Variants in CBFB observed in about 807,000 individuals in gnomAD.
The protein encoded by CBFB is CBF-beta.
Under a neutral mutation model 30.4 loss-of-function variants are expected in CBFB, and 9 were observed. That is an observed-to-expected ratio of 0.30 (90% confidence interval 0.18 to 0.52). The LOEUF (loss-of-function observed/expected upper bound fraction) is 0.52, where lower values mean the gene tolerates loss of function less well. CBFB is among the 20% of genes least tolerant of loss of function. The pLI, the probability that CBFB is intolerant of heterozygous loss-of-function variation, is 0.97. For missense variants in CBFB, 170 were observed against 244.0 expected, an observed-to-expected ratio of 0.70 and a Z score of 2.02; for synonymous variants, 94 against 84.0, an observed-to-expected ratio of 1.12 and a Z score of -0.65.
intron 3 of CBFB, among the ~76,000 whole-genome samples, chr16:67,062,458 C>T (rs1455022278): frequency 1.3e-5 from 2 of 151,070 alleles, no homozygotes; most frequent in Non-Finnish European, 2.9e-5. Context: ...GTGTGAGCCA[C>T]CGTGCCCAGC....
chr16:67,083,271 T>C (rs899622923), intron 5 of CBFB, among the ~76,000 whole-genome samples: 2 of 152,084 alleles, frequency 1.3e-5, no homozygotes, highest in Non-Finnish European at 2.9e-5. Context: ...TTCTCATGAT[T>C]TCTGCTCAAA....
intron 3 of CBFB, among the ~76,000 whole-genome samples, chr16:67,046,817 C>A (rs1419852718): frequency 1.3e-5 from 2 of 152,108 alleles, no homozygotes; most frequent in East Asian, 1.9e-4. Context: ...CAATATTATT[C>A]TTTGATGCTT....
chr16:67,055,956 T>TA (rs1960711612), intron 3 of CBFB, among the ~76,000 whole-genome samples: 1 of 152,194 alleles, frequency 6.6e-6, no homozygotes, highest in Admixed American at 6.5e-5. Flanking sequence ...ACAGGGTACA[T>TA]ACTTCTTCAG....
chr16:67,082,937 A>G (rs1262645217), intron 5 of CBFB, among the ~76,000 whole-genome samples: 1 of 152,220 alleles, frequency 6.6e-6, no homozygotes, highest in East Asian at 1.9e-4. Context: ...AGCCCAATGA[A>G]TTACTGTAAG....
intron 2 of CBFB, among the ~76,000 whole-genome samples, chr16:67,035,086 T>C (rs1966419987): frequency 6.6e-6 from 1 of 151,972 alleles, no homozygotes; most frequent in African/African-American, 2.4e-5. Context: ...GTTTTTTTTG[T>C]TTTTTGTTTT....
intron 3 of CBFB, among the ~76,000 whole-genome samples, chr16:67,057,054 C>T (rs989601350): frequency 1.3e-5 from 2 of 151,562 alleles, no homozygotes; most frequent in Non-Finnish European, 1.5e-5. Context: ...GCAATCTTGG[C>T]TCACTGCAAC....
chr16:67,039,256 C>T (rs1966492089), intron 3 of CBFB, among the ~76,000 whole-genome samples: 1 of 152,080 alleles, frequency 6.6e-6, no homozygotes. Context: ...AACTGTAACA[C>T]AATTTGGTAA....
At chr16:67,049,757 C>T (rs1178572936) in intron 3 of CBFB, among the ~76,000 whole-genome samples, 3 of 152,098 alleles carry the variant, frequency 2.0e-5, no homozygotes, top group Admixed American at 2.0e-4. Context: ...TCCCATGAAC[C>T]ATTTTAAATG....
At chr16:67,053,027 AAAAG>A (rs1227862978) in intron 3 of CBFB, among the ~76,000 whole-genome samples, 1 of 151,754 alleles carries the variant, frequency 6.6e-6, no homozygotes, top group Admixed American at 6.6e-5. Context: ...AAAAAAGAAA[AAAAG>A]AGAAAGAAAA....
chr16:67,050,560 C>A (rs1358198014), intron 3 of CBFB, among the ~76,000 whole-genome samples: 1 of 151,928 alleles, frequency 6.6e-6, no homozygotes, highest in African/African-American at 2.4e-5. Context: ...TTTGGGAGAC[C>A]AAGGCAGGAG....
Position 67,059,961 on chromosome 16 carries a change from TTTC to T in CBFB, c.283-6718_283-6716del, listed in dbSNP as rs1178980738. Among the ~76,000 whole-genome samples the T allele has an allele frequency of 6.7e-5, 8 of 120,088 alleles. 1 individual carries two copies. In the Middle Eastern group the frequency reaches 0.012, roughly 185 times the overall value. 78.8% of individuals were successfully genotyped at this position (120,088 alleles called of 152,430 possible). A position where few individuals can be genotyped will look rare whatever the true frequency, so the allele number is the denominator to read the frequency against. On this transcript the variant is annotated intron_variant, in intron 3 of 5. Transcript: ENST00000412916. The stretch of plus-strand genomic sequence containing the variant: ...AAAAATTGTTGCAAACTTTTAATTC[TTTC>T]TTTCTTTCTTTCTTTTTTTTTTTTT...
At chr16:67,089,914 T>G (rs1260996988) in intron 5 of CBFB, among the ~76,000 whole-genome samples, 2 of 152,198 alleles carry the variant, frequency 1.3e-5, no homozygotes, top group Non-Finnish European at 1.5e-5. Flanking sequence ...TCTTTACCCC[T>G]TCTTTCTGTG....
At chr16:67,073,734 T>TC (rs1961304274) in intron 4 of CBFB, among the ~76,000 whole-genome samples, 1 of 150,078 alleles carries the variant, frequency 6.7e-6, no homozygotes, top group African/African-American at 2.5e-5. Context: ...AGAGTGAGAC[T>TC]CCATCTCAAA....
chr16:67,032,068 G>A (rs1159441049), intron 2 of CBFB, among the ~76,000 whole-genome samples: 15 of 152,146 alleles, frequency 9.9e-5, no homozygotes, highest in Admixed American at 9.8e-4. Flanking sequence ...CTAGTAGGGT[G>A]TTTTCTGTCA....
intron 3 of CBFB, among the ~76,000 whole-genome samples, chr16:67,052,451 C>T (rs1364666988): frequency 1.3e-5 from 2 of 151,768 alleles, no homozygotes; most frequent in Non-Finnish European, 2.9e-5. Context: ...TGGGGTGTGC[C>T]TGTAGTCCTA....
intron 3 of CBFB, among the ~76,000 whole-genome samples, chr16:67,061,487 A>G (rs1455407485): frequency 6.6e-6 from 1 of 152,194 alleles, no homozygotes; most frequent in East Asian, 1.9e-4. Flanking sequence ...TTTTTGACAG[A>G]AGCATTTCAC....
chr16:67,078,806 T>A (rs1961476737), intron 4 of CBFB, among the ~76,000 whole-genome samples: 1 of 152,064 alleles, frequency 6.6e-6, no homozygotes, highest in South Asian at 2.1e-4. Context: ...CCTGCCACCA[T>A]GCCTGGCTAA....
chr16:67,069,327 A>G (rs2145754155), intron 4 of CBFB, among the ~76,000 whole-genome samples: 1 of 152,114 alleles, frequency 6.6e-6, no homozygotes, highest in African/African-American at 2.4e-5. Flanking sequence ...CCAAGATCGC[A>G]TCACTGCACT....
At position 67,099,587 on chromosome 16, in the gene CBFB, C is replaced by T. The variant is rs1302268764; in HGVS notation, c.*809C>T. The T allele has an allele frequency of 4.9e-6, 1 of 202,360 alleles. No individual in the cohort carries two copies. Among genetic ancestry groups the T allele is most frequent in the Non-Finnish European group, 1.0e-5 (1 of 98,364 alleles). The allele number at this position is 202,360 out of a possible 1,614,324, so 12.5% of individuals were successfully genotyped here. ...ATTGGTATTAACTCTGTACTCTGCC[C>T]TAGATTGTTTTAGCTTCTGTTCTGT... On this transcript the variant is annotated 3_prime_UTR_variant, in exon 6 of 6. Transcript: ENST00000412916.
Sources: gnomAD v4.1 joint callset for allele counts (sites outside exome capture counted in the v4.1 genomes callset) on GRCh38, gnomAD v4.1.1 for gene constraint, MANE v1.5 for transcripts, NCBI Gene and HGNC (gene_info 2026-07-23, HGNC 2026-07-21) for gene names.